The following STX8 variants were observed in gnomAD, a reference collection of about 807,000 sequenced individuals.
The protein encoded by STX8 is syntaxin 8, also known as syntaxin-8.
A neutral mutation model predicts 37.5 loss-of-function variants in STX8; 23 were observed. That is an observed-to-expected ratio of 0.61 (90% CI 0.44 to 0.87). The LOEUF (loss-of-function observed/expected upper bound fraction) is 0.87. STX8 is among the 40% of genes least tolerant of loss of function. The probability of loss-of-function intolerance (pLI) is 0.00; values close to 1 mark genes in which losing one functional copy is unlikely to be tolerated. For synonymous variants in STX8, 115 were observed against 99.1 expected, an observed-to-expected ratio of 1.16 and a Z score of -0.95; for missense variants, 313 against 284.7, an observed-to-expected ratio of 1.10 and a Z score of -0.71.
At chr17:9,306,478 G>A (rs981562786) in intron 7 of STX8, among the ~76,000 whole-genome samples, 3 of 151,634 alleles carry the variant, frequency 2.0e-5, no homozygotes, top group East Asian at 1.9e-4. Context: ...GGCCAGGTAC[G>A]GTATCTCACA....
At chr17:9,268,002 A>G (rs1040730700) in intron 7 of STX8, among the ~76,000 whole-genome samples, 5 of 152,048 alleles carry the variant, frequency 3.3e-5, no homozygotes, top group Admixed American at 1.3e-4. Context: ...AAAAGAAAAA[A>G]AAAAAAAAAA....
At chr17:9,510,615 A>C (rs1048241561) in intron 4 of STX8, among the ~76,000 whole-genome samples, 1 of 152,154 alleles carries the variant, frequency 6.6e-6, no homozygotes, top group South Asian at 2.1e-4. Context: ...GGGACACAGC[A>C]AAAGTAGTAC....
chr17:9,513,834 G>T (rs756199359), intron 4 of STX8, among the ~76,000 whole-genome samples: 1 of 152,180 alleles, frequency 6.6e-6, no homozygotes, highest in Non-Finnish European at 1.5e-5. Context: ...ATACAATTTA[G>T]CCATAAAAAA....
At chr17:9,440,185 G>A (rs917841093) in intron 6 of STX8, among the ~76,000 whole-genome samples, 1 of 152,118 alleles carries the variant, frequency 6.6e-6, no homozygotes, top group Non-Finnish European at 1.5e-5. Flanking sequence ...CTCCCTTACA[G>A]CCTATTTAAG....
intron 6 of STX8, among the ~76,000 whole-genome samples, chr17:9,482,074 A>G (rs970272597): frequency 6.6e-6 from 1 of 152,164 alleles, no homozygotes; most frequent in Non-Finnish European, 1.5e-5. Context: ...TGGGAGGCTC[A>G]GGCAGGAGGA....
At chr17:9,361,667 A>C (rs1911068107) in intron 7 of STX8, among the ~76,000 whole-genome samples, 1 of 152,206 alleles carries the variant, frequency 6.6e-6, no homozygotes, top group South Asian at 2.1e-4. Context: ...GTTCCATTCA[A>C]CTTTTAACAG....
rs374913679 is a variant in STX8 at position 9,395,038 on chromosome 17, T to G, written c.542-16385A>C. 4.3e-4 allele frequency among the ~76,000 whole-genome samples: 65 copies of G among 150,600 alleles called. No individual in the cohort carries two copies. The East Asian group carries it at 0.011, about 25-fold the overall frequency. ...TTGCAGTGAGCAGAGATTGCGCCAC[T>G]GCACTCCAGCCCAGGTGAAAGAGCA... On this transcript the variant is annotated intron_variant, in intron 6 of 7. Coordinates refer to ENST00000306357, the MANE Select transcript of STX8 (RefSeq NM_004853.3).
chr17:9,365,993 A>G (rs1911218600), intron 7 of STX8, among the ~76,000 whole-genome samples: 1 of 152,120 alleles, frequency 6.6e-6, no homozygotes, highest in East Asian at 1.9e-4. Flanking sequence ...AAAAACAAAA[A>G]GAGAGAGAGA....
intron 7 of STX8, among the ~76,000 whole-genome samples, chr17:9,301,078 C>T (rs7222409): frequency 0.12 from 18,954 of 151,876 alleles, 3,774 homozygotes; most frequent in African/African-American, 0.42. Context: ...GTGATCCACC[C>T]GCCTCGGCCT....
chr17:9,271,143 C>T (rs916148330), intron 7 of STX8, among the ~76,000 whole-genome samples: 2 of 152,244 alleles, frequency 1.3e-5, no homozygotes, highest in African/African-American at 4.8e-5. Flanking sequence ...GCACAGATCA[C>T]TGAAGAGACT....
At chr17:9,268,176 C>T (rs1174488045) in intron 7 of STX8, among the ~76,000 whole-genome samples, 6 of 151,784 alleles carry the variant, frequency 4.0e-5, no homozygotes, top group South Asian at 2.1e-4. Context: ...AGAACTAGGG[C>T]GCAACCAACT....
chr17:9,329,294 T>A (rs1399278962), intron 7 of STX8, among the ~76,000 whole-genome samples: 2 of 152,262 alleles, frequency 1.3e-5, no homozygotes, highest in East Asian at 3.9e-4. Context: ...TATAGGCATG[T>A]TCAATCAATG....
intron 4 of STX8, among the ~76,000 whole-genome samples, chr17:9,526,536 C>A (rs1008711086): frequency 6.6e-6 from 1 of 151,924 alleles, no homozygotes; most frequent in African/African-American, 2.4e-5. Context: ...CAAGAACAGG[C>A]TTTTTAATTT....
chr17:9,408,273 C>A (rs1024826778), intron 6 of STX8, among the ~76,000 whole-genome samples: 1 of 151,972 alleles, frequency 6.6e-6, no homozygotes, highest in Non-Finnish European at 1.5e-5. Context: ...CCATTTGTGG[C>A]GGGAAGATCA....
intron 6 of STX8, among the ~76,000 whole-genome samples, chr17:9,421,886 G>A (rs920842934): frequency 2.0e-5 from 3 of 151,938 alleles, no homozygotes; most frequent in Non-Finnish European, 2.9e-5. Flanking sequence ...TGTTCCAATC[G>A]AGTTCTCACA....
intron 3 of STX8, chr17:9,547,246 C>CAAAAAAAAAAAAAAAAAAAAAAAA (rs11300957): frequency 3.9e-5 from 5 of 129,630 alleles, no homozygotes; most frequent in African/African-American, 1.5e-4. Flanking sequence ...GACTCTGTCT[C>CAAAAAAAAAAAAAAAAAAAAAAAA]AAAAAAAAAA....
Position 9,429,637 on chromosome 17 carries a change from A to G in STX8, c.542-50984T>C, listed in dbSNP as rs551133833. Among the ~76,000 whole-genome samples, 21 of 133,460 alleles carry G rather than the reference A, an allele frequency of 1.6e-4. 1 individual carries two copies. Among genetic ancestry groups the G allele is most frequent in the African/African-American group, 5.9e-4 (21 of 35,554 alleles). 87.6% of individuals were successfully genotyped at this position (133,460 alleles called of 152,430 possible). A position where few individuals can be genotyped will look rare whatever the true frequency, so the allele number is the denominator to read the frequency against. On this transcript the variant is annotated intron_variant, in intron 6 of 7. Coordinates refer to ENST00000306357, the MANE Select transcript of STX8 (RefSeq NM_004853.3). ...AGAATGGCGTGAACCCAGGAGGCGGAGCTTGCAGTGAGCTGAGATCGCGTC... is the reference window on the plus strand; with the variant it reads ...AGAATGGCGTGAACCCAGGAGGCGGGGCTTGCAGTGAGCTGAGATCGCGTC...
At chr17:9,440,601 T>C (rs1273212864) in intron 6 of STX8, among the ~76,000 whole-genome samples, 1 of 151,204 alleles carries the variant, frequency 6.6e-6, no homozygotes, top group Non-Finnish European at 1.5e-5. Flanking sequence ...CTCGGCTCAC[T>C]GCAACCTCCG....
In STX8 at chr17:9,557,481, G is replaced by A. The variant is rs749527313; in HGVS notation, c.165C>T (p.Ile55=). The A allele has an allele frequency of 1.7e-5, 27 of 1,613,886 alleles. No individual in the cohort carries two copies. Among genetic ancestry groups the A allele is most frequent in the African/African-American group, 2.7e-5 (2 of 74,908 alleles). Residue 55 remains isoleucine, a synonymous_variant, in exon 3 of 8, where the codon ATC becomes ATT. Transcript: ENST00000306357. ...RALLQNLKEK[I]ALLKDLLLRA... ...TTAGCAATAAGTCCTTCAAAAGGGC[G>A]ATCTTTTCCTTCAGGTTCTGCAACA...
Sources: allele counts gnomAD v4.1 joint callset (sites outside exome capture counted in the v4.1 genomes callset), GRCh38; gene constraint gnomAD v4.1.1; transcripts MANE v1.5; gene names NCBI Gene and HGNC (gene_info 2026-07-23, HGNC 2026-07-21).